FAM171A1: variants seen among roughly 807,000 people sequenced by gnomAD.
FAM171A1 encodes the protein family with sequence similarity 171 member A1, also known as protein FAM171A1.
FAM171A1 carries 23 observed loss-of-function variants against 74.9 expected under a neutral mutation model. The ratio of observed to expected loss-of-function variants is 0.31; its 90% CI spans 0.22 to 0.44. The LOEUF is 0.44. Among genes scored for constraint, FAM171A1 ranks in the 20% least tolerant of loss-of-function variants. The pLI is 1.00. For synonymous variants in FAM171A1, 527 were observed against 505.7 expected (o/e 1.04, Z -0.57); for missense variants, 1,162 against 1,159.2 (o/e 1.00, Z -0.03).
In FAM171A1 at chr10:15,212,707, G is replaced by T; in HGVS notation, c.*208C>A. The T allele has an allele frequency of 1.4e-6, 1 of 702,158 alleles. No individual in the cohort carries two copies. Among genetic ancestry groups the T allele is most frequent in the Non-Finnish European group, 2.3e-6 (1 of 439,902 alleles). 43.5% of individuals were successfully genotyped at this position (702,158 alleles called of 1,614,324 possible). The stretch of plus-strand genomic sequence containing the variant: ...ACCACTTTCAGCCACCTCCTTGCAG[G>T]GGCGACATCCGCCAAAGTCATCCTT... On this transcript the variant is annotated 3_prime_UTR_variant, in exon 8 of 8. Coordinates refer to ENST00000378116, the MANE Select transcript of FAM171A1 (RefSeq NM_001010924.2).
At chr10:15,335,110 C>T (rs963759286) in intron 1 of FAM171A1, among the ~76,000 whole-genome samples, 3 of 152,012 alleles carry the variant, frequency 2.0e-5, no homozygotes, top group African/African-American at 4.8e-5. Flanking sequence ...TGCATGGTGG[C>T]GCTTACCTAT....
At chr10:15,312,589 C>A (rs937083021) in intron 1 of FAM171A1, among the ~76,000 whole-genome samples, 3 of 145,666 alleles carry the variant, frequency 2.1e-5, no homozygotes, top group Non-Finnish European at 3.0e-5. Flanking sequence ...AGGTGCCCGG[C>A]TGCAAACTGA....
chr10:15,318,574 C>T lies in FAM171A1; in HGVS notation c.98-34469G>A, dbSNP rs187031842. ...TTGGGCCAAATCCCCTACCAAATGC[C>T]GGAGCTGGTTCCCATCAGTACGTAG... On this transcript the variant is annotated intron_variant, in intron 1 of 7. Transcript: ENST00000378116. Among the ~76,000 whole-genome samples, 586 of 152,290 alleles carry T rather than the reference C, an allele frequency of 3.8e-3. 3 individuals are homozygous for T. Among genetic ancestry groups the T allele is most frequent in the African/African-American group, 0.012 (512 of 41,558 alleles).
chr10:15,327,305 A>C (rs779085807), intron 1 of FAM171A1, among the ~76,000 whole-genome samples: 1 of 152,182 alleles, frequency 6.6e-6, no homozygotes, highest in Non-Finnish European at 1.5e-5. Flanking sequence ...TGTGCCTGGC[A>C]TGTGCTCAGC....
At chr10:15,228,977 C>G (rs1467903951) in intron 5 of FAM171A1, among the ~76,000 whole-genome samples, 1 of 152,178 alleles carries the variant, frequency 6.6e-6, no homozygotes, top group African/African-American at 2.4e-5. Flanking sequence ...CTTCTTGCAG[C>G]TAATGTATTC....
chr10:15,347,316 C>T (rs541828082), intron 1 of FAM171A1, among the ~76,000 whole-genome samples: 3 of 152,204 alleles, frequency 2.0e-5, no homozygotes, highest in Non-Finnish European at 4.4e-5. Flanking sequence ...ACAAACTGGA[C>T]CTAGGACAAC....
chr10:15,231,359 A>G (rs772167274), intron 5 of FAM171A1, among the ~76,000 whole-genome samples: 3 of 152,030 alleles, frequency 2.0e-5, no homozygotes, highest in Non-Finnish European at 2.9e-5. Context: ...ACATGCCACC[A>G]TGCCTGGCTA....
intron 5 of FAM171A1, among the ~76,000 whole-genome samples, chr10:15,234,657 CT>C (rs112414673): frequency 1.1e-3 from 151 of 143,614 alleles, no homozygotes; most frequent in Middle Eastern, 3.6e-3. Context: ...ATGTACTTTT[CT>C]TTTTTTTTTT....
chr10:15,275,241 T>TAA (rs1203656272), intron 3 of FAM171A1, among the ~76,000 whole-genome samples: 1 of 151,910 alleles, frequency 6.6e-6, no homozygotes, highest in Non-Finnish European at 1.5e-5. Flanking sequence ...CCCTAGAACT[T>TAA]AAAGTATGAT....
chr10:15,350,649 C>CA (rs1473389139), intron 1 of FAM171A1, among the ~76,000 whole-genome samples: 7 of 125,218 alleles, frequency 5.6e-5, no homozygotes, highest in African/African-American at 1.8e-4. Flanking sequence ...CCAATTCTCT[C>CA]TTTTTTTTTT....
At chr10:15,354,570 G>T (rs899075497) in intron 1 of FAM171A1, among the ~76,000 whole-genome samples, 2 of 152,152 alleles carry the variant, frequency 1.3e-5, no homozygotes, top group African/African-American at 4.8e-5. Context: ...TCAGGAAGAC[G>T]CCTGGGGAGC....
chr10:15,327,868 C>T (rs1056333365), intron 1 of FAM171A1, among the ~76,000 whole-genome samples: 1 of 151,632 alleles, frequency 6.6e-6, no homozygotes, highest in African/African-American at 2.4e-5. Flanking sequence ...CTAAACCCTA[C>T]CACCCCCGTG....
intron 1 of FAM171A1, among the ~76,000 whole-genome samples, chr10:15,351,099 A>C (rs933480198): frequency 6.6e-6 from 1 of 151,824 alleles, no homozygotes; most frequent in African/African-American, 2.4e-5. Flanking sequence ...CTTTTTCTTT[A>C]TTTATCTTTG....
At chr10:15,264,620 A>G (rs990497369) in intron 3 of FAM171A1, among the ~76,000 whole-genome samples, 2 of 142,538 alleles carry the variant, frequency 1.4e-5, no homozygotes, top group Non-Finnish European at 1.5e-5. Context: ...CCCTGTTTCT[A>G]CAAAAAAAAA....
chr10:15,214,926 A>G (rs958127871), intron 7 of FAM171A1, among the ~76,000 whole-genome samples: 29 of 152,048 alleles, frequency 1.9e-4, no homozygotes, highest in African/African-American at 6.3e-4. Flanking sequence ...ATGCCCAGCT[A>G]ATTTTTGACT....
chr10:15,266,937 G>C (rs1834751522), intron 3 of FAM171A1, among the ~76,000 whole-genome samples: 1 of 151,924 alleles, frequency 6.6e-6, no homozygotes, highest in South Asian at 2.1e-4. Context: ...AGTGTGAGTT[G>C]GCAGAATGGA....
In FAM171A1 at chr10:15,213,871, C is replaced by G; in HGVS notation, c.1717G>C (p.Val573Leu). Residue 573 changes from valine to leucine, a missense_variant, in exon 8 of 8, where the codon GTT (valine) becomes CTT (leucine). By Grantham distance (32) the Val-to-Leu change is conservative (BLOSUM62 1). Coordinates refer to ENST00000378116, the MANE Select transcript of FAM171A1 (RefSeq NM_001010924.2). This position sits in a 1 kb window ranked among gnomAD's most constrained non-coding sequence, Gnocchi z 6.8. ...AAGGCAGGCAGTACTTTCCTGTAAA[C>G]GCTGTCATTGACCTGGTCGACAGAA... is the stretch of plus-strand genomic sequence containing the variant. ...CSSVDQVNDS[V>L]YRKVLPALVI... is the part of the protein sequence containing the mutation. 6.2e-7 allele frequency: 1 copy of G among 1,614,116 alleles called. No homozygotes were observed. The highest frequency in any genetic ancestry group is 8.5e-7 in the Non-Finnish European group (1 of 1,180,030).
chr10:15,242,796 A>C (rs1262127389), intron 5 of FAM171A1, among the ~76,000 whole-genome samples: 1 of 152,186 alleles, frequency 6.6e-6, no homozygotes, highest in African/African-American at 2.4e-5. Flanking sequence ...GTCTCAAAAA[A>C]AAAAGGAAGC....
chr10:15,357,324 GATGT>G (rs1429144888), intron 1 of FAM171A1, among the ~76,000 whole-genome samples: 1 of 152,080 alleles, frequency 6.6e-6, no homozygotes, highest in African/African-American at 2.4e-5. Flanking sequence ...AAAATAAATG[GATGT>G]ATCTCAAAAA....
Sources: allele counts gnomAD v4.1 joint callset (sites outside exome capture counted in the v4.1 genomes callset), GRCh38; gene constraint gnomAD v4.1.1; non-coding constraint Gnocchi (gnomAD v3.1); transcripts MANE v1.5; gene names NCBI Gene and HGNC (gene_info 2026-07-23, HGNC 2026-07-21).